Variants in QRFPR observed in about 807,000 individuals in gnomAD.
QRFPR encodes the protein pyroglutamylated RF-amide peptide receptor.
Under a neutral mutation model 31.3 loss-of-function variants are expected in QRFPR, and 37 were observed. That is an observed-to-expected ratio of 1.18 (90% confidence interval 0.91 to 1.56). The LOEUF is 1.56. Among genes scored for constraint, QRFPR ranks in the 40% most tolerant of loss-of-function variants. The pLI is 0.00. For synonymous variants in QRFPR, 197 were observed against 192.0 expected, an observed-to-expected ratio of 1.03 and a Z score of -0.22; for missense variants, 542 against 532.5, an observed-to-expected ratio of 1.02 and a Z score of -0.18.
chr4:121,371,599 T>C (rs899758737), intron 1 of QRFPR, among the ~76,000 whole-genome samples: 1 of 152,148 alleles, frequency 6.6e-6, no homozygotes, highest in Non-Finnish European at 1.5e-5. Flanking sequence ...GAAGAGCCAC[T>C]CAGAACTCTG....
intron 1 of QRFPR, among the ~76,000 whole-genome samples, chr4:121,363,782 T>C (rs1427334960): frequency 6.7e-6 from 1 of 150,152 alleles, no homozygotes; most frequent in Non-Finnish European, 1.5e-5. Flanking sequence ...CACCCTTCAC[T>C]CTTTCACTAA....
chr4:121,332,475 C>T (rs1177920852), intron 4 of QRFPR, among the ~76,000 whole-genome samples: 1 of 152,038 alleles, frequency 6.6e-6, no homozygotes, highest in African/African-American at 2.4e-5. Flanking sequence ...GGGAGTGAGA[C>T]TGATGTATAT....
At chr4:121,379,417 T>C (rs755003555) in intron 1 of QRFPR, among the ~76,000 whole-genome samples, 1 of 152,170 alleles carries the variant, frequency 6.6e-6, no homozygotes, top group Non-Finnish European at 1.5e-5. Context: ...GCCACAAGAA[T>C]ACACCCAACC....
At chr4:121,355,532 G>C (rs7661307) in intron 1 of QRFPR, among the ~76,000 whole-genome samples, 42,764 of 151,698 alleles carry the variant, frequency 0.28, 6,457 homozygotes, top group Middle Eastern at 0.38. Context: ...TTGATCTTTT[G>C]TGTTTTTTAA....
In QRFPR at chr4:121,366,532, G is replaced by A. The variant is rs560708717; in HGVS notation, c.340+13776C>T. 3.8e-5 allele frequency among the ~76,000 whole-genome samples: 5 copies of A among 130,338 alleles called. 1 individual carries two copies. Among genetic ancestry groups the A allele is most frequent in the Admixed American group, 1.7e-4 (2 of 11,766 alleles). 85.5% of individuals were successfully genotyped at this position (130,338 alleles called of 152,430 possible). On this transcript the variant is annotated intron_variant, in intron 1 of 5. Transcript: ENST00000394427. ...CACAAAGAATTCTGGGTATCCAACC[G>A]AAAGAGGAAACCATGTGGGACAGGG...
At chr4:121,331,187 T>G (rs1725316641) in intron 4 of QRFPR, among the ~76,000 whole-genome samples, 1 of 139,032 alleles carries the variant, frequency 7.2e-6, no homozygotes, top group Admixed American at 7.2e-5. Flanking sequence ...TTTTTTTTTT[T>G]TTTTTTTTTT....
At chr4:121,379,310 C>T (rs1377300013) in intron 1 of QRFPR, among the ~76,000 whole-genome samples, 2 of 152,004 alleles carry the variant, frequency 1.3e-5, no homozygotes, top group African/African-American at 4.8e-5. Context: ...GATGAAACAC[C>T]CTCCATGAGT....
intron 3 of QRFPR, among the ~76,000 whole-genome samples, chr4:121,336,437 A>AT (rs1305494539): frequency 3.9e-5 from 6 of 152,072 alleles, no homozygotes; most frequent in South Asian, 2.1e-4. Flanking sequence ...ATTTATTACA[A>AT]TTTTTTTTAC....
intron 1 of QRFPR, among the ~76,000 whole-genome samples, chr4:121,347,581 A>G (rs1186391899): frequency 6.6e-6 from 1 of 152,156 alleles, no homozygotes; most frequent in Non-Finnish European, 1.5e-5. Context: ...TGACGCTTAA[A>G]GTAATATATT....
At position 121,380,681 on chromosome 4, in the gene QRFPR, C is replaced by T. The variant is rs1334876662; in HGVS notation, c.-34G>A. On this transcript the variant is annotated 5_prime_UTR_variant, in exon 1 of 6. Coordinates refer to ENST00000394427, the MANE Select transcript of QRFPR (RefSeq NM_198179.3). Reference sequence around the variant, plus strand: ...GCTCCCGGGACGCGGGGCCACCGCCCGCTACTGGCTGGCCATCCGCATCTG... The same window carrying T: ...GCTCCCGGGACGCGGGGCCACCGCCTGCTACTGGCTGGCCATCCGCATCTG... The T allele has an allele frequency of 1.4e-6, 2 of 1,468,214 alleles. No homozygotes were observed. Among genetic ancestry groups the T allele is most frequent in the Admixed American group, 2.4e-5 (1 of 41,004 alleles). 90.9% of individuals were successfully genotyped at this position (1,468,214 alleles called of 1,614,324 possible).
chr4:121,369,842 G>T, intron 1 of QRFPR: 1 of 1,001,110 alleles, frequency 1.0e-6, no homozygotes, highest in Non-Finnish European at 1.6e-6. Flanking sequence ...GGCTGATGCA[G>T]GTGGCCTCTC....
intron 3 of QRFPR, among the ~76,000 whole-genome samples, chr4:121,335,842 GT>G (rs1226778701): frequency 7.9e-5 from 12 of 152,108 alleles, no homozygotes; most frequent in Admixed American, 6.5e-4. Flanking sequence ...GACTGGAAGA[GT>G]TGCTCAAGAT....
chr4:121,352,539 G>C (rs1725782532), intron 1 of QRFPR, among the ~76,000 whole-genome samples: 1 of 151,988 alleles, frequency 6.6e-6, no homozygotes, highest in Non-Finnish European at 1.5e-5. Context: ...CTGGCAAGGG[G>C]AATTGAAGTT....
At chr4:121,350,488 T>G (rs1049251717) in intron 1 of QRFPR, among the ~76,000 whole-genome samples, 6 of 152,196 alleles carry the variant, frequency 3.9e-5, no homozygotes, top group African/African-American at 1.4e-4. Context: ...ATCAATATCT[T>G]TTTCAATCTC....
chr4:121,332,954 G>C lies in QRFPR; in HGVS notation c.664C>G (p.Leu222Val), dbSNP rs1250725947. 1.9e-6 allele frequency: 3 copies of C among 1,613,882 alleles called. No individual in the cohort carries two copies. Among genetic ancestry groups the C allele is most frequent in the East Asian group, 2.2e-5 (1 of 44,882 alleles). ...KIYTTFILVI[L>V]FLLPLMVMLI... ...ATCACCATAAGAGGCAGGAGGAAGA[G>C]GATGACAAGGATGAAGGTGGTGTAG... Residue 222 changes from leucine to valine, a missense_variant, in exon 4 of 6, where the codon CTC (leucine) becomes GTC (valine). Transcript: ENST00000394427.
chr4:121,371,200 C>G (rs1726238516), intron 1 of QRFPR, among the ~76,000 whole-genome samples: 1 of 152,206 alleles, frequency 6.6e-6, no homozygotes, highest in Non-Finnish European at 1.5e-5. Context: ...TCTGATATGA[C>G]AGTAAATGTG....
intron 1 of QRFPR, among the ~76,000 whole-genome samples, chr4:121,379,904 A>T (rs1208225738): frequency 6.6e-6 from 1 of 152,134 alleles, no homozygotes. Flanking sequence ...ACTTTTAGTA[A>T]GAAAACTAGG....
intron 1 of QRFPR, among the ~76,000 whole-genome samples, chr4:121,375,983 AG>A (rs1726345261): frequency 6.6e-6 from 1 of 152,194 alleles, no homozygotes; most frequent in South Asian, 2.1e-4. Context: ...AAAGATAAAA[AG>A]GAGGAAAAAA....
chr4:121,362,664 C>A (rs1220185380), intron 1 of QRFPR, among the ~76,000 whole-genome samples: 1 of 150,060 alleles, frequency 6.7e-6, no homozygotes, highest in East Asian at 2.0e-4. Flanking sequence ...GCTCAGCAAT[C>A]ACATAAATAT....
Sources: gnomAD v4.1 joint callset for allele counts (sites outside exome capture counted in the v4.1 genomes callset) on GRCh38, gnomAD v4.1.1 for gene constraint, MANE v1.5 for transcripts, NCBI Gene and HGNC (gene_info 2026-07-23, HGNC 2026-07-21) for gene names.